Variants in CHKA observed in about 807,000 individuals in gnomAD.
CHKA encodes the protein CHETK-alpha.
Under a neutral mutation model 60.1 loss-of-function variants are expected in CHKA, and 34 were observed. The observed-to-expected ratio is 0.57, with a 90% CI of 0.43 to 0.75. The LOEUF is 0.75. Ranked by LOEUF, CHKA falls within the 30% of genes least tolerant of loss-of-function variation. The pLI, the probability that CHKA is intolerant of heterozygous loss-of-function variation, is 0.00. For synonymous variants in CHKA, 217 were observed against 223.1 expected (o/e 0.97, Z 0.24); for missense variants, 563 against 561.3 (o/e 1.00, Z -0.03).
intron 1 of CHKA, among the ~76,000 whole-genome samples, chr11:68,118,167 T>C (rs1858466072): frequency 6.6e-6 from 1 of 152,012 alleles, no homozygotes; most frequent in African/African-American, 2.4e-5. Flanking sequence ...CGGGGCCAGG[T>C]ATGGTGGCTC....
Position 68,116,724 on chromosome 11 carries a change from A to G in CHKA, c.350+4104T>C, listed in dbSNP as rs147530084. Among the ~76,000 whole-genome samples the G allele has an allele frequency of 8.8e-3, 1,342 of 152,236 alleles. 8 individuals are homozygous for G. Among genetic ancestry groups the G allele is most frequent in the Middle Eastern group, 0.027 (8 of 294 alleles). ...AGAGCAAGACTGTCTTAAAAAAAAA[A>G]AAAGAAAGAAAGAAAGAAAATGCTA... On this transcript the variant is annotated intron_variant, in intron 1 of 11. Transcript: ENST00000265689.
chr11:68,094,473 C>T (rs1001033604), intron 2 of CHKA, among the ~76,000 whole-genome samples: 1 of 151,996 alleles, frequency 6.6e-6, no homozygotes, highest in South Asian at 2.1e-4. Context: ...CCCAGGAGGT[C>T]GAGGCTGCAG....
chr11:68,120,564 C>A (rs1858587353), intron 1 of CHKA, among the ~76,000 whole-genome samples: 1 of 152,260 alleles, frequency 6.6e-6, no homozygotes, highest in Admixed American at 6.5e-5. Context: ...CTAGAACAGA[C>A]CCGTTTTCTC....
rs1327701620 is a variant in CHKA at position 68,053,360 on chromosome 11, A to T, written c.*628T>A. ...CTCATCAGTGTCACACACGCCCAGC[A>T]GGAGGGGAGAGCTCTGCTCCACACG... On this transcript the variant is annotated 3_prime_UTR_variant, in exon 12 of 12. Transcript: ENST00000265689. The T allele has an allele frequency of 6.5e-6, 1 of 152,690 alleles. No homozygotes were observed. The highest frequency in any genetic ancestry group is 1.5e-5 in the Non-Finnish European group (1 of 68,408). 9.5% of individuals were successfully genotyped at this position (152,690 alleles called of 1,614,324 possible). A position where few individuals can be genotyped will look rare whatever the true frequency, so the allele number is the denominator to read the frequency against.
chr11:68,067,544 T>C (rs1270290077), intron 7 of CHKA, among the ~76,000 whole-genome samples: 1 of 152,056 alleles, frequency 6.6e-6, no homozygotes, highest in East Asian at 1.9e-4. Context: ...ACGTGGAGCC[T>C]AGACTGCACT....
intron 8 of CHKA, 99 bp downstream of exon 8, chr11:68,066,330 G>T: frequency 9.9e-7 from 1 of 1,011,072 alleles, no homozygotes; most frequent in Non-Finnish European, 1.5e-6. Flanking sequence ...TTGCAACTCA[G>T]AGCGGCATTT....
chr11:68,078,046 G>A (rs866327584), intron 3 of CHKA, among the ~76,000 whole-genome samples: 4 of 152,082 alleles, frequency 2.6e-5, no homozygotes, highest in Non-Finnish European at 5.9e-5. Context: ...AACTGGGTTC[G>A]ATCCCCTGGG....
chr11:68,086,147 T>C (rs567521348), intron 2 of CHKA, among the ~76,000 whole-genome samples: 9 of 152,130 alleles, frequency 5.9e-5, no homozygotes, highest in Non-Finnish European at 1.3e-4. Flanking sequence ...ACCCCTTCTC[T>C]ACTAAAAATA....
At chr11:68,100,703 C>T (rs1366159789) in intron 1 of CHKA, among the ~76,000 whole-genome samples, 2 of 151,120 alleles carry the variant, frequency 1.3e-5, no homozygotes, top group East Asian at 3.9e-4. Context: ...CACACACACA[C>T]ATATATATGA....
chr11:68,086,123 G>C (rs1284157795), intron 2 of CHKA, among the ~76,000 whole-genome samples: 2 of 152,098 alleles, frequency 1.3e-5, no homozygotes, highest in Non-Finnish European at 2.9e-5. Flanking sequence ...CACCATCCTT[G>C]CCAACATGGT....
Position 68,121,154 on chromosome 11 carries a change from C to G in CHKA, c.24G>C (p.Gly8=), listed in dbSNP as rs1858633900. The G allele has an allele frequency of 1.7e-6, 2 of 1,207,958 alleles. No individual in the cohort carries two copies. The highest frequency in any genetic ancestry group is 4.2e-5 in the Admixed American group (1 of 23,534). The allele number at this position is 1,207,958 out of a possible 1,614,324, so 74.8% of individuals were successfully genotyped here. ...CGAGCGGCGAGGGCTCCGCCTCGCC[C>G]CCGGTGCAGAATTTGGTTTTCATGC... The part of the protein sequence containing the change: MKTKFCT[G]GEAEPSPLGL... The change falls in exon 1 of 12, where the codon GGG becomes GGC. Residue 8 remains glycine (G), a synonymous_variant. Coordinates refer to ENST00000265689, the MANE Select transcript of CHKA (RefSeq NM_001277.3).
chr11:68,120,969 G>C lies in CHKA; in HGVS notation c.209C>G (p.Pro70Arg), dbSNP rs1396986014. 8 of 1,103,006 alleles carry C rather than the reference G, an allele frequency of 7.3e-6. No homozygotes were observed. Among genetic ancestry groups the C allele is most frequent in the Non-Finnish European group, 8.8e-6 (8 of 904,202 alleles). The allele number at this position is 1,103,006 out of a possible 1,614,324, so 68.3% of individuals were successfully genotyped here. A position where few individuals can be genotyped will look rare whatever the true frequency, so the allele number is the denominator to read the frequency against. ...PPPLPLPLPL[P>R]QPPPPQPPAD... Reference sequence around the variant, plus strand: ...GGGCGGCTGCGGCGGCGGGGGCTGGGGCAGCGGCAGCGGCAGCGGCAGCGG... The same window carrying C: ...GGGCGGCTGCGGCGGCGGGGGCTGGCGCAGCGGCAGCGGCAGCGGCAGCGG... The change falls in exon 1 of 12, where the codon CCC (proline) becomes CGC (arginine). Residue 70 changes from proline (P) to arginine (R), a missense_variant. Pro to Arg is a moderately radical substitution (Grantham distance 103, BLOSUM62 -2). Transcript: ENST00000265689.
chr11:68,060,959 G>A (rs932260147), intron 11 of CHKA, among the ~76,000 whole-genome samples: 2 of 152,064 alleles, frequency 1.3e-5, no homozygotes, highest in African/African-American at 4.8e-5. Flanking sequence ...CTGTCCCAAA[G>A]GAAGGCAGCT....
Position 68,065,820 on chromosome 11 carries a change from G to A in CHKA, c.1091C>T (p.Ala364Val). The A allele has an allele frequency of 6.2e-7, 1 of 1,605,426 alleles. No homozygotes were observed. The highest frequency in any genetic ancestry group is 8.5e-7 in the Non-Finnish European group (1 of 1,173,100). The change falls in exon 9 of 12, where the codon GCA becomes GTA. Residue 364 changes from alanine to valine, a missense_variant. Physicochemically the swap from Ala to Val is moderately conservative, Grantham distance 64 (BLOSUM62 0). Coordinates refer to ENST00000265689, the MANE Select transcript of CHKA (RefSeq NM_001277.3). The part of the protein sequence containing the change: ...YSYEKYPFFR[A>V]NIRKYPTKKQ... ...CTTGGTGGGATACTTCCGGATGTTTGCTCTGAAAAAAGGGTATTTTTCATA... is the reference window on the plus strand; with the variant it reads ...CTTGGTGGGATACTTCCGGATGTTTACTCTGAAAAAAGGGTATTTTTCATA...
chr11:68,087,176 C>A (rs193099403), intron 2 of CHKA, among the ~76,000 whole-genome samples: 1 of 122,670 alleles, frequency 8.2e-6, no homozygotes, highest in Admixed American at 9.5e-5. Context: ...AAATCATTAT[C>A]AATTATGGAT....
chr11:68,087,117 T>C (rs1026610299), intron 2 of CHKA, among the ~76,000 whole-genome samples: 19 of 152,280 alleles, frequency 1.2e-4, no homozygotes, highest in African/African-American at 4.1e-4. Flanking sequence ...CTACAAAGAA[T>C]AGCATGTCAT....
In CHKA at chr11:68,121,082, G is replaced by T. The variant is rs1590894182; in HGVS notation, c.96C>A (p.Gly32=). ...TGGCGGCGTCGCGCTGCTGCCCCAC[G>T]CCGGGCGCCGGGGCCGCGCTGCCGC... is the stretch of plus-strand genomic sequence containing the variant. ...CGSGSAAPAP[G]VGQQRDAASD... The change falls in exon 1 of 12, where the codon GGC becomes GGA. Residue 32 remains glycine (G), a synonymous_variant. Transcript: ENST00000265689. 8.8e-7 allele frequency: 1 copy of T among 1,133,966 alleles called. No homozygotes were observed. The highest frequency in any genetic ancestry group is 3.7e-5 in the South Asian group (1 of 27,296). The allele number at this position is 1,133,966 out of a possible 1,614,324, so 70.2% of individuals were successfully genotyped here. A position where few individuals can be genotyped will look rare whatever the true frequency, so the allele number is the denominator to read the frequency against.
intron 4 of CHKA, among the ~76,000 whole-genome samples, chr11:68,071,328 C>G (rs1026184656): frequency 2.0e-5 from 3 of 152,340 alleles, no homozygotes; most frequent in Non-Finnish European, 1.5e-5. Context: ...AGATGCGTCA[C>G]AGAGACAGGG....
In CHKA at chr11:68,053,657, G is replaced by A. The variant is rs1027853545; in HGVS notation, c.*331C>T. On this transcript the variant is annotated 3_prime_UTR_variant, in exon 12 of 12. Transcript: ENST00000265689. ...AACCAAAGTACCTGCAAGTAACACTGCTTACTCTTGCTGTTTGCCTCATCT... is the reference window on the plus strand; with the variant it reads ...AACCAAAGTACCTGCAAGTAACACTACTTACTCTTGCTGTTTGCCTCATCT... 1.8e-5 allele frequency: 5 copies of A among 285,000 alleles called. No individual in the cohort carries two copies. Among genetic ancestry groups the A allele is most frequent in the Non-Finnish European group, 3.3e-5 (5 of 149,474 alleles). 17.7% of individuals were successfully genotyped at this position (285,000 alleles called of 1,614,324 possible).
Sources: allele counts gnomAD v4.1 joint callset (sites outside exome capture counted in the v4.1 genomes callset), GRCh38; gene constraint gnomAD v4.1.1; transcripts MANE v1.5; gene names NCBI Gene and HGNC (gene_info 2026-07-23, HGNC 2026-07-21).